PRELID2: variants seen among roughly 807,000 people sequenced by gnomAD.
PRELID2 encodes the protein PRELI domain containing 2, also known as PRELI domain-containing protein 2.
A neutral mutation model predicts 28.4 loss-of-function variants in PRELID2; 25 were observed. The ratio of observed to expected loss-of-function variants is 0.88; its 90% CI spans 0.64 to 1.23. The LOEUF (loss-of-function observed/expected upper bound fraction) is 1.23. Ranked by LOEUF, PRELID2 falls within the 50% of genes most tolerant of loss-of-function variation. The pLI, the probability that PRELID2 is intolerant of heterozygous loss-of-function variation, is 0.00. For synonymous variants in PRELID2, 76 were observed against 71.6 expected (o/e 1.06, Z -0.31); for missense variants, 201 against 214.4 (o/e 0.94, Z 0.39).
chr5:145,740,825 CAA>C (rs1373075009), intron 1 of PRELID2, among the ~76,000 whole-genome samples: 1 of 71,678 alleles, frequency 1.4e-5, no homozygotes, highest in Non-Finnish European at 2.4e-5. Flanking sequence ...TACATATATA[CAA>C]ATATATATTT....
At chr5:145,668,912 G>A (rs981597388) in intron 1 of PRELID2, among the ~76,000 whole-genome samples, 1 of 152,084 alleles carries the variant, frequency 6.6e-6, no homozygotes, top group African/African-American at 2.4e-5. Flanking sequence ...TCCTGTTAAG[G>A]TCAGGTCCAA....
In PRELID2 at chr5:145,597,719, C is replaced by G. The variant is rs1294668981; in HGVS notation, n.71-124404G>C. ...TCCAATATCAATCAAATAATAATCA[C>G]TATCAGAAGGGCAGGTGAATCTTGT... On this transcript the variant is annotated intron_variant and non_coding_transcript_variant, in intron 1 of 2. Transcript: ENST00000510259. 2.6e-5 allele frequency among the ~76,000 whole-genome samples: 4 copies of G among 152,256 alleles called. No individual in the cohort carries two copies. In the East Asian group the frequency reaches 5.8e-4, roughly 22 times the overall value.
chr5:145,286,602 T>A, the PRELID2 span, among the ~76,000 whole-genome samples: 10 of 152,182 alleles, frequency 6.6e-5, no homozygotes, highest in Non-Finnish European at 1.5e-4. Context: ...AGCACTCTTT[T>A]TCATCAGTAA....
chr5:145,459,228 T>TG, the PRELID2 span, among the ~76,000 whole-genome samples: 1 of 152,216 alleles, frequency 6.6e-6, no homozygotes, highest in Non-Finnish European at 1.5e-5. Context: ...CCTGGAATCT[T>TG]GTGTCCTGGA....
At chr5:145,626,059 C>A (rs112791529) in intron 1 of PRELID2, among the ~76,000 whole-genome samples, 1 of 151,964 alleles carries the variant, frequency 6.6e-6, no homozygotes, top group Admixed American at 6.6e-5. Context: ...AAAAATAAGA[C>A]CTGAAAGTAT....
At chr5:145,529,108 T>C (rs1242020922) in intron 1 of PRELID2, among the ~76,000 whole-genome samples, 1 of 152,156 alleles carries the variant, frequency 6.6e-6, no homozygotes, top group African/African-American at 2.4e-5. Flanking sequence ...ACAAATTAAT[T>C]TGGCATATAA....
At chr5:145,730,964 C>T (rs942810607) in intron 1 of PRELID2, among the ~76,000 whole-genome samples, 7 of 152,176 alleles carry the variant, frequency 4.6e-5, no homozygotes, top group African/African-American at 1.2e-4. Flanking sequence ...CAGTAACATT[C>T]GAAGCTTCTG....
At chr5:145,415,229 C>CT in the PRELID2 span, among the ~76,000 whole-genome samples, 45 of 151,314 alleles carry the variant, frequency 3.0e-4, no homozygotes, top group East Asian at 1.4e-3. Flanking sequence ...CTGAATGACT[C>CT]TTTTTTTTGT....
At chr5:145,327,496 A>C in the PRELID2 span, among the ~76,000 whole-genome samples, 1 of 152,040 alleles carries the variant, frequency 6.6e-6, no homozygotes, top group South Asian at 2.1e-4. Context: ...CTTTCAGCCT[A>C]TGTGTGTCCT....
At chr5:145,311,937 C>A in the PRELID2 span, among the ~76,000 whole-genome samples, 5 of 152,098 alleles carry the variant, frequency 3.3e-5, no homozygotes, top group Admixed American at 2.6e-4. Flanking sequence ...ATTGTATATT[C>A]ATGGTGTACA....
intron 1 of PRELID2, among the ~76,000 whole-genome samples, chr5:145,510,786 C>T (rs189753257): frequency 6.6e-6 from 1 of 152,336 alleles, no homozygotes; most frequent in East Asian, 1.9e-4. Context: ...TAAGGAAACT[C>T]TGGGTGTCCT....
At chr5:145,397,446 G>A in the PRELID2 span, among the ~76,000 whole-genome samples, 1 of 152,108 alleles carries the variant, frequency 6.6e-6, no homozygotes, top group Admixed American at 6.5e-5. Context: ...CATTTATCAT[G>A]TGTCTAGGTA....
intron 1 of PRELID2, among the ~76,000 whole-genome samples, chr5:145,702,347 A>G (rs138912019): frequency 6.6e-6 from 1 of 152,304 alleles, no homozygotes; most frequent in East Asian, 1.9e-4. Flanking sequence ...AGAATCATGC[A>G]CAGAGAAATA....
intron 1 of PRELID2, among the ~76,000 whole-genome samples, chr5:145,744,688 C>T (rs763658171): frequency 6.6e-6 from 1 of 152,104 alleles, no homozygotes. Flanking sequence ...AAAGGCCGCA[C>T]AAAAACCCTA....
chr5:145,524,754 C>A (rs148462065), intron 1 of PRELID2, among the ~76,000 whole-genome samples: 131 of 152,280 alleles, frequency 8.6e-4, no homozygotes, highest in Middle Eastern at 3.4e-3. Context: ...CGGAACCAAC[C>A]AACCATTCTG....
At chr5:145,312,174 T>C in the PRELID2 span, among the ~76,000 whole-genome samples, 3 of 149,238 alleles carry the variant, frequency 2.0e-5, no homozygotes, top group Non-Finnish European at 4.5e-5. Context: ...GATGAGACTC[T>C]GTCTCTACTA....
At chr5:145,705,322 C>A (rs992231869) in intron 1 of PRELID2, among the ~76,000 whole-genome samples, 5 of 151,990 alleles carry the variant, frequency 3.3e-5, no homozygotes, top group African/African-American at 4.8e-5. Context: ...TCCCAAATAG[C>A]TGGGATTACA....
the PRELID2 span, among the ~76,000 whole-genome samples, chr5:145,397,886 A>G: frequency 1.1e-4 from 16 of 151,938 alleles, no homozygotes; most frequent in Non-Finnish European, 1.5e-5. Flanking sequence ...TTGTGGCGGG[A>G]ATATATTAGG....
intron 5 of PRELID2, among the ~76,000 whole-genome samples, chr5:145,785,097 C>T (rs1751905656): frequency 6.6e-6 from 1 of 152,154 alleles, no homozygotes; most frequent in South Asian, 2.1e-4. Context: ...GAGAATGTCT[C>T]TTAAAGCTGA....
Sources: gnomAD v4.1 joint callset for allele counts (sites outside exome capture counted in the v4.1 genomes callset) on GRCh38, gnomAD v4.1.1 for gene constraint, MANE v1.5 for transcripts, NCBI Gene and HGNC (gene_info 2026-07-23, HGNC 2026-07-21) for gene names.